Variants in FAM227A observed in about 807,000 individuals in gnomAD.
FAM227A encodes the protein protein FAM227A.
FAM227A carries 80 observed loss-of-function variants against 74.7 expected under a neutral mutation model. The ratio of observed to expected loss-of-function variants is 1.07; its 90% CI spans 0.89 to 1.29. FAM227A has a LOEUF of 1.29. Among genes scored for constraint, FAM227A ranks in the 50% most tolerant of loss-of-function variants. The probability of loss-of-function intolerance (pLI) is 0.00; values close to 1 mark genes in which losing one functional copy is unlikely to be tolerated. For missense variants in FAM227A, 654 were observed against 683.4 expected (o/e 0.96, Z 0.48); for synonymous variants, 237 against 241.8 (o/e 0.98, Z 0.19).
intron 6 of FAM227A, among the ~76,000 whole-genome samples, chr22:38,631,374 G>C (rs2091912713): frequency 6.6e-6 from 1 of 151,966 alleles, no homozygotes; most frequent in Non-Finnish European, 1.5e-5. Flanking sequence ...CAATAGACAC[G>C]GGGGACTCTC....
intron 2 of FAM227A, among the ~76,000 whole-genome samples, chr22:38,648,392 G>A (rs1164099292): frequency 1.3e-5 from 2 of 151,074 alleles, no homozygotes; most frequent in Non-Finnish European, 2.9e-5. Context: ...CGGATCACCT[G>A]AGGTCAGGAG....
chr22:38,642,661 C>T (rs989027591), intron 3 of FAM227A, among the ~76,000 whole-genome samples: 9 of 152,170 alleles, frequency 5.9e-5, no homozygotes, highest in Admixed American at 1.3e-4. Flanking sequence ...AGAGGCCGGG[C>T]GTGGTGGCTC....
intron 14 of FAM227A, 77 bp downstream of exon 14, chr22:38,599,687 T>C (rs2091129017): frequency 1.4e-6 from 2 of 1,396,368 alleles, no homozygotes. Context: ...CTGGGTGCCA[T>C]TCCCTGACCT....
In FAM227A at chr22:38,582,173, AC is replaced by A; in HGVS notation, c.*3951del. 4.8e-6 allele frequency: 3 copies of A among 622,862 alleles called. No homozygotes were observed. The highest frequency in any genetic ancestry group is 5.6e-6 in the Non-Finnish European group (2 of 358,038). The allele number at this position is 622,862 out of a possible 1,614,324, so 38.6% of individuals were successfully genotyped here. On this transcript the variant is annotated 3_prime_UTR_variant, in exon 17 of 17. Transcript: ENST00000535113. ...AATCAAGATAGTAGACATATCTGTC[AC>A]CCCCAAAAGTTTATTTGGGCCTCTT... is the stretch of plus-strand genomic sequence containing the variant.
chr22:38,636,314 G>C, intron 6 of FAM227A, 137 bp downstream of exon 6: 1 of 905,664 alleles, frequency 1.1e-6, no homozygotes, highest in Non-Finnish European at 1.6e-6. Flanking sequence ...TTGGGCTAGG[G>C]TTCCTAGCTC....
chr22:38,599,980 A>AT, intron 13 of FAM227A, 59 bp from the exon 14 acceptor site: 1 of 1,422,046 alleles, frequency 7.0e-7, no homozygotes, highest in Non-Finnish European at 9.4e-7. Flanking sequence ...GTCTGTATTA[A>AT]GAACCAGAAA....
In FAM227A at chr22:38,619,558, A is replaced by G. The variant is rs559042495; in HGVS notation, c.1038+654T>C. 3.9e-5 allele frequency among the ~76,000 whole-genome samples: 6 copies of G among 152,286 alleles called. No individual in the cohort carries two copies. In the South Asian group the frequency reaches 1.2e-3, roughly 32 times the overall value. On this transcript the variant is annotated intron_variant, in intron 11 of 16. Transcript: ENST00000535113. Reference sequence around the variant, plus strand: ...AGACTGGTCTTGGACTCCTGGTCTCAAGTGATCTGCCTGCCTTGGGCTCCC... The same window carrying G: ...AGACTGGTCTTGGACTCCTGGTCTCGAGTGATCTGCCTGCCTTGGGCTCCC...
At chr22:38,636,739 G>A (rs2145652480) in intron 5 of FAM227A, 142 bp from the exon 6 acceptor site, 3 of 673,868 alleles carry the variant, frequency 4.5e-6, no homozygotes, top group Non-Finnish European at 7.0e-6. Flanking sequence ...AGGATCCTAG[G>A]ACCCCTTCCA....
intron 3 of FAM227A, among the ~76,000 whole-genome samples, chr22:38,640,072 T>C (rs1357168714): frequency 1.3e-5 from 2 of 152,100 alleles, no homozygotes; most frequent in East Asian, 1.9e-4. Flanking sequence ...CTCGCTCTGT[T>C]GCCCAGGCTG....
intron 13 of FAM227A, among the ~76,000 whole-genome samples, chr22:38,601,358 G>T (rs1048703505): frequency 3.3e-5 from 5 of 151,734 alleles, no homozygotes; most frequent in Admixed American, 2.0e-4. Context: ...AGTTGTTCCT[G>T]GCTAAGAGGA....
chr22:38,625,742 G>A (rs916806412), intron 9 of FAM227A, among the ~76,000 whole-genome samples: 2 of 152,050 alleles, frequency 1.3e-5, no homozygotes, highest in African/African-American at 4.8e-5. Flanking sequence ...TCAGGAGGTT[G>A]AGACCAGCCT....
At chr22:38,635,944 T>C (rs1350247329) in intron 6 of FAM227A, among the ~76,000 whole-genome samples, 7 of 151,062 alleles carry the variant, frequency 4.6e-5, no homozygotes, top group African/African-American at 1.5e-4. Flanking sequence ...TGAGCTATGA[T>C]AGTGCCACTG....
chr22:38,578,469 A>G lies in FAM227A; in HGVS notation c.*7656T>C, dbSNP rs1360304541. ...TTGAAAAACTTTTTAACTTCAGCAC[A>G]TAGGTGTCCAAGAGAGGCTTGCTAT... On this transcript the variant is annotated 3_prime_UTR_variant, in exon 17 of 17. Coordinates refer to ENST00000535113, the MANE Select transcript of FAM227A (RefSeq NM_001013647.2). 2 of 152,208 alleles carry G rather than the reference A, an allele frequency of 1.3e-5. No individual in the cohort carries two copies. Among genetic ancestry groups the G allele is most frequent in the African/African-American group, 4.8e-5 (2 of 41,456 alleles). 9.4% of individuals were successfully genotyped at this position (152,208 alleles called of 1,614,324 possible).
chr22:38,629,384 T>G (rs2091872491), intron 6 of FAM227A, among the ~76,000 whole-genome samples: 1 of 152,246 alleles, frequency 6.6e-6, no homozygotes, highest in Admixed American at 6.5e-5. Context: ...GAGATGTAGC[T>G]TCCGTTGTCA....
rs1215607734 is a variant in FAM227A at position 38,583,605 on chromosome 22, C to G, written c.*2520G>C. ...CCTCACAACAACCCTCCTAGGCAGG[C>G]ATTCCCTTTCTGCAGTCAAGAAAGC... On this transcript the variant is annotated 3_prime_UTR_variant, in exon 17 of 17. Transcript: ENST00000535113. The G allele has an allele frequency of 6.6e-6, 1 of 152,344 alleles. No homozygotes were observed. The highest frequency in any genetic ancestry group is 1.5e-5 in the Non-Finnish European group (1 of 68,138). The allele number at this position is 152,344 out of a possible 1,614,324, so 9.4% of individuals were successfully genotyped here.
chr22:38,607,543 G>T, intron 11 of FAM227A, 67 bp from the exon 12 acceptor site: 2 of 1,110,348 alleles, frequency 1.8e-6, no homozygotes, highest in Non-Finnish European at 2.7e-6. Context: ...AAAATTGGCA[G>T]TGAGAGAAAT....
intron 2 of FAM227A, among the ~76,000 whole-genome samples, chr22:38,648,435 C>T (rs1244679188): frequency 6.6e-6 from 1 of 151,340 alleles, no homozygotes; most frequent in Non-Finnish European, 1.5e-5. Context: ...TGGAGAAACC[C>T]TGTCTCTTCT....
intron 11 of FAM227A, among the ~76,000 whole-genome samples, chr22:38,609,459 G>A (rs879400695): frequency 7.9e-5 from 12 of 152,278 alleles, no homozygotes; most frequent in Admixed American, 3.3e-4. Flanking sequence ...CGCTGGATTC[G>A]TCTGGGCGAG....
chr22:38,626,478 C>A (rs1426496733), intron 8 of FAM227A, among the ~76,000 whole-genome samples, 175 bp from the exon 9 acceptor site: 2 of 151,838 alleles, frequency 1.3e-5, no homozygotes, highest in East Asian at 3.9e-4. Flanking sequence ...CTGAAGTGAT[C>A]CTCTAATCCA....
Sources: allele counts gnomAD v4.1 joint callset (sites outside exome capture counted in the v4.1 genomes callset), GRCh38; gene constraint gnomAD v4.1.1; transcripts MANE v1.5; gene names NCBI Gene and HGNC (gene_info 2026-07-23, HGNC 2026-07-21).